Variants in ESRRG observed in about 807,000 individuals in gnomAD.
ESRRG encodes the protein estrogen related receptor gamma.
ESRRG carries 13 observed loss-of-function variants against 44.0 expected under a neutral mutation model. That is an observed-to-expected ratio of 0.30 (90% CI 0.19 to 0.47). The LOEUF is 0.47. ESRRG is among the 20% of genes least tolerant of loss of function. ESRRG has a pLI of 1.00. For synonymous variants in ESRRG, 215 were observed against 214.6 expected (o/e 1.00, Z -0.02); for missense variants, 395 against 580.6 (o/e 0.68, Z 3.29).
Position 216,625,414 on chromosome 1 carries a change from C to T in ESRRG, c.589+25559G>A, listed in dbSNP as rs571479832. Among the ~76,000 whole-genome samples the T allele has an allele frequency of 6.6e-3, 524 of 79,826 alleles. 9 individuals carry two copies. Among genetic ancestry groups the T allele is most frequent in the African/African-American group, 0.037 (484 of 13,054 alleles). 52.4% of individuals were successfully genotyped at this position (79,826 alleles called of 152,430 possible). On this transcript the variant is annotated intron_variant, in intron 3 of 6. Coordinates refer to ENST00000408911, the MANE Select transcript of ESRRG (RefSeq NM_001438.4). ...TACTTATGAAAACTCTTTACTGATGCTCATTTGGCAAAAAAAAAAAAAAAA... is the reference window on the plus strand; with the variant it reads ...TACTTATGAAAACTCTTTACTGATGTTCATTTGGCAAAAAAAAAAAAAAAA...
At chr1:216,780,236 A>C (rs1179010843) in intron 2 of ESRRG, among the ~76,000 whole-genome samples, 2 of 152,004 alleles carry the variant, frequency 1.3e-5, no homozygotes, top group Non-Finnish European at 2.9e-5. Flanking sequence ...TCCAAGCTTA[A>C]CAAATGTAAT....
chr1:216,833,795 T>C (rs2095522270), intron 2 of ESRRG, among the ~76,000 whole-genome samples: 1 of 152,174 alleles, frequency 6.6e-6, no homozygotes, highest in Non-Finnish European at 1.5e-5. Context: ...TCTGCCAGCA[T>C]TGTGCTACCC....
chr1:216,693,604 T>C (rs528967545), intron 1 of ESRRG, among the ~76,000 whole-genome samples: 22 of 152,366 alleles, frequency 1.4e-4, no homozygotes, highest in Admixed American at 3.9e-4. Flanking sequence ...CTCTGGATTA[T>C]TCGTAATACC....
chr1:216,633,414 T>A (rs1446988609), intron 3 of ESRRG, among the ~76,000 whole-genome samples: 2 of 152,210 alleles, frequency 1.3e-5, no homozygotes, highest in African/African-American at 4.8e-5. Context: ...AATACTCTGA[T>A]GTGTCATTTG....
intron 1 of ESRRG, among the ~76,000 whole-genome samples, chr1:216,987,098 C>T (rs962216626): frequency 6.6e-6 from 1 of 152,138 alleles, no homozygotes; most frequent in Non-Finnish European, 1.5e-5. Context: ...GAGTGCCAGA[C>T]AGTTCATTAG....
At chr1:216,626,635 A>G (rs900918713) in intron 3 of ESRRG, among the ~76,000 whole-genome samples, 1 of 151,186 alleles carries the variant, frequency 6.6e-6, no homozygotes, top group Non-Finnish European at 1.5e-5. Flanking sequence ...TAGTCCAGCA[A>G]CCCTCCCGCC....
intron 3 of ESRRG, among the ~76,000 whole-genome samples, chr1:216,619,521 C>T (rs1014500542): frequency 6.6e-6 from 1 of 152,176 alleles, no homozygotes; most frequent in East Asian, 1.9e-4. Flanking sequence ...ATATGGCAGC[C>T]GTAAGAGCTT....
At chr1:216,879,124 A>G (rs1478312481) in intron 2 of ESRRG, among the ~76,000 whole-genome samples, 3 of 152,216 alleles carry the variant, frequency 2.0e-5, no homozygotes, top group East Asian at 3.9e-4. Context: ...ATAGGTGAAC[A>G]TATAGCTATT....
At chr1:216,629,611 C>T (rs1474574417) in intron 3 of ESRRG, among the ~76,000 whole-genome samples, 1 of 152,126 alleles carries the variant, frequency 6.6e-6, no homozygotes, top group African/African-American at 2.4e-5. Flanking sequence ...TGCTGCAATA[C>T]ACCAAATGGC....
At chr1:216,702,274 CTA>C (rs2081512608) in intron 1 of ESRRG, among the ~76,000 whole-genome samples, 1 of 152,106 alleles carries the variant, frequency 6.6e-6, no homozygotes, top group Non-Finnish European at 1.5e-5. Context: ...TATAGATTCT[CTA>C]GTCTTATGAG....
chr1:217,026,490 G>A (rs1413711699), intron 1 of ESRRG, among the ~76,000 whole-genome samples: 3 of 152,150 alleles, frequency 2.0e-5, no homozygotes, highest in East Asian at 1.9e-4. Flanking sequence ...TTATGGGTTC[G>A]AGGCAGGTGA....
chr1:216,798,984 C>T, intron 2 of ESRRG, among the ~76,000 whole-genome samples: 1 of 151,934 alleles, frequency 6.6e-6, no homozygotes, highest in East Asian at 1.9e-4. Flanking sequence ...AGAATCAATC[C>T]CCTCACTGAC....
At chr1:216,579,577 A>G (rs2062344461) in intron 3 of ESRRG, among the ~76,000 whole-genome samples, 2 of 152,150 alleles carry the variant, frequency 1.3e-5, no homozygotes, top group African/African-American at 4.8e-5. Flanking sequence ...CCAGACACCA[A>G]ACATACTGAG....
intron 1 of ESRRG, among the ~76,000 whole-genome samples, chr1:216,984,115 C>T (rs1336318322): frequency 2.0e-5 from 3 of 151,984 alleles, no homozygotes; most frequent in African/African-American, 4.8e-5. Context: ...TTAGAACTTC[C>T]CATGTGTAGA....
At chr1:217,033,459 G>A (rs954283583) in intron 1 of ESRRG, among the ~76,000 whole-genome samples, 1 of 152,090 alleles carries the variant, frequency 6.6e-6, no homozygotes. Context: ...TCAAAGTCAC[G>A]CTTTGGAGAT....
chr1:217,068,426 C>T (rs1185929532), intron 1 of ESRRG, among the ~76,000 whole-genome samples: 1 of 151,574 alleles, frequency 6.6e-6, no homozygotes, highest in African/African-American at 2.4e-5. Flanking sequence ...ATCTCCAGTC[C>T]TCTCCTGCAC....
chr1:216,801,715 C>T (rs547388645), intron 2 of ESRRG, among the ~76,000 whole-genome samples: 1 of 152,210 alleles, frequency 6.6e-6, no homozygotes, highest in South Asian at 2.1e-4. Context: ...TTTTCATATA[C>T]CTATTGGTCA....
At chr1:216,886,864 C>T (rs1228682079) in intron 2 of ESRRG, among the ~76,000 whole-genome samples, 9 of 152,050 alleles carry the variant, frequency 5.9e-5, no homozygotes, top group East Asian at 1.9e-4. Flanking sequence ...GCTGGGACTA[C>T]GGGCGTGTAA....
intron 2 of ESRRG, chr1:216,864,915 A>G (rs909997536): frequency 6.6e-6 from 1 of 152,058 alleles, no homozygotes; most frequent in Non-Finnish European, 1.5e-5. Context: ...AGATTCTACC[A>G]TCATCACAGA....
Sources: gnomAD v4.1 joint callset for allele counts (sites outside exome capture counted in the v4.1 genomes callset) on GRCh38, gnomAD v4.1.1 for gene constraint, MANE v1.5 for transcripts, NCBI Gene and HGNC (gene_info 2026-07-23, HGNC 2026-07-21) for gene names.